The following PABPC4L variants were observed in gnomAD, a reference collection of about 807,000 sequenced individuals.
PABPC4L encodes the protein polyadenylate-binding protein 4-like.
For synonymous variants in PABPC4L, 169 were observed against 164.1 expected, an observed-to-expected ratio of 1.03 and a Z score of -0.23; for missense variants, 452 against 451.4, an observed-to-expected ratio of 1.00 and a Z score of -0.01.
chr4:134,048,974 G>A, the PABPC4L span, among the ~76,000 whole-genome samples: 1 of 151,984 alleles, frequency 6.6e-6, no homozygotes, highest in Non-Finnish European at 1.5e-5. Context: ...CTAGATTCAA[G>A]TATAAAATAC....
At chr4:134,107,688 C>T in the PABPC4L span, among the ~76,000 whole-genome samples, 1 of 151,246 alleles carries the variant, frequency 6.6e-6, no homozygotes, top group African/African-American at 2.4e-5. Context: ...AATAATTTAC[C>T]CAAGATAGAT....
the PABPC4L span, among the ~76,000 whole-genome samples, chr4:134,101,455 T>C: frequency 1.3e-5 from 2 of 151,492 alleles, no homozygotes; most frequent in Non-Finnish European, 3.0e-5. Flanking sequence ...GCACGAAAGA[T>C]GTTTTACTTG....
At chr4:133,966,839 A>G in the PABPC4L span, among the ~76,000 whole-genome samples, 3 of 152,150 alleles carry the variant, frequency 2.0e-5, no homozygotes, top group Non-Finnish European at 4.4e-5. Context: ...AATAAAAAAT[A>G]AACTGCAATG....
chr4:134,093,795 T>C, the PABPC4L span, among the ~76,000 whole-genome samples: 3 of 151,732 alleles, frequency 2.0e-5, no homozygotes, highest in East Asian at 5.8e-4. Context: ...TAATTTCTTT[T>C]TTCTGTTTAT....
the PABPC4L span, among the ~76,000 whole-genome samples, chr4:134,033,464 T>C: frequency 6.6e-6 from 1 of 151,848 alleles, no homozygotes. Context: ...TAATTAAGTT[T>C]TGTGAGAAAG....
chr4:134,014,859 A>G, the PABPC4L span, among the ~76,000 whole-genome samples: 1 of 151,734 alleles, frequency 6.6e-6, no homozygotes, highest in Non-Finnish European at 1.5e-5. Flanking sequence ...AAAACTCCCC[A>G]ACTCTGGTGC....
At chr4:134,113,923 G>C in the PABPC4L span, among the ~76,000 whole-genome samples, 1 of 151,744 alleles carries the variant, frequency 6.6e-6, no homozygotes, top group African/African-American at 2.4e-5. Context: ...TGTAAATAAG[G>C]CAACAAATTA....
the PABPC4L span, among the ~76,000 whole-genome samples, chr4:134,170,987 C>T: frequency 6.6e-6 from 1 of 152,112 alleles, no homozygotes; most frequent in Non-Finnish European, 1.5e-5. Context: ...TGCAACCTTG[C>T]CAGCATTTGT....
the PABPC4L span, among the ~76,000 whole-genome samples, chr4:134,062,528 A>C: frequency 6.6e-6 from 1 of 152,056 alleles, no homozygotes; most frequent in Admixed American, 6.6e-5. Flanking sequence ...CAAGGCATCA[A>C]ATACAAAAGT....
At chr4:133,953,414 C>T in the PABPC4L span, among the ~76,000 whole-genome samples, 1 of 152,170 alleles carries the variant, frequency 6.6e-6, no homozygotes. Flanking sequence ...ATTGGTTTCT[C>T]ATTCCGTCTA....
chr4:134,053,927 G>A, the PABPC4L span, among the ~76,000 whole-genome samples: 1 of 151,654 alleles, frequency 6.6e-6, no homozygotes, highest in Non-Finnish European at 1.5e-5. Flanking sequence ...TGCCTTTTTA[G>A]TGGAATGATG....
the PABPC4L span, among the ~76,000 whole-genome samples, chr4:134,076,299 T>C: frequency 6.6e-6 from 1 of 151,998 alleles, no homozygotes; most frequent in Non-Finnish European, 1.5e-5. Flanking sequence ...ATAAGAAAGT[T>C]TAGATTTTTA....
At chr4:134,186,370 C>T in the PABPC4L span, among the ~76,000 whole-genome samples, 1 of 151,986 alleles carries the variant, frequency 6.6e-6, no homozygotes, top group Non-Finnish European at 1.5e-5. Context: ...GAATAGAGTC[C>T]CTGGAAATAA....
At chr4:134,065,626 TC>T in the PABPC4L span, among the ~76,000 whole-genome samples, 1 of 152,018 alleles carries the variant, frequency 6.6e-6, no homozygotes, top group South Asian at 2.1e-4. Context: ...GTTTAATGAT[TC>T]CCATTTATGA....
chr4:134,142,370 G>T, the PABPC4L span, among the ~76,000 whole-genome samples: 1 of 151,562 alleles, frequency 6.6e-6, no homozygotes, highest in Non-Finnish European at 1.5e-5. Context: ...TTTTATCCGG[G>T]AAAAGCATAG....
At chr4:134,137,285 A>G in the PABPC4L span, among the ~76,000 whole-genome samples, 175 of 152,132 alleles carry the variant, frequency 1.2e-3, 6 homozygotes, top group East Asian at 0.031. Flanking sequence ...AATAATATTA[A>G]TAAGAATCTG....
the PABPC4L span, among the ~76,000 whole-genome samples, chr4:134,147,254 G>T: frequency 6.6e-6 from 1 of 151,894 alleles, no homozygotes; most frequent in Admixed American, 6.6e-5. Context: ...GAACTCAATT[G>T]TTTGTCAATT....
chr4:134,081,730 A>C, the PABPC4L span, among the ~76,000 whole-genome samples: 3 of 152,088 alleles, frequency 2.0e-5, no homozygotes, highest in Non-Finnish European at 4.4e-5. Flanking sequence ...AAATGTAAAA[A>C]AAAGAAAAAA....
the PABPC4L span, among the ~76,000 whole-genome samples, chr4:134,179,895 C>T: frequency 6.6e-5 from 10 of 152,102 alleles, no homozygotes; most frequent in South Asian, 2.1e-4. Context: ...ACACAAGTTA[C>T]GAAGACCTAT....
Sources: allele counts gnomAD v4.1 joint callset (sites outside exome capture counted in the v4.1 genomes callset), GRCh38; gene constraint gnomAD v4.1.1; transcripts MANE v1.5; gene names NCBI Gene and HGNC (gene_info 2026-07-23, HGNC 2026-07-21).